The following IL2RA variants were observed in gnomAD, a reference collection of about 807,000 sequenced individuals.
IL2RA encodes interleukin-2 receptor subunit alpha.
Under a neutral mutation model 37.8 loss-of-function variants are expected in IL2RA, and 24 were observed. The ratio of observed to expected loss-of-function variants is 0.63; its 90% CI spans 0.46 to 0.89. The LOEUF (loss-of-function observed/expected upper bound fraction) is 0.89, where lower values mean the gene tolerates loss of function less well. IL2RA is among the 40% of genes least tolerant of loss of function. The probability of loss-of-function intolerance (pLI) is 0.00; values close to 1 mark genes in which losing one functional copy is unlikely to be tolerated. For missense variants in IL2RA, 319 were observed against 348.6 expected (o/e 0.92, Z 0.68); for synonymous variants, 125 against 114.6 (o/e 1.09, Z -0.58).
intron 1 of IL2RA, among the ~76,000 whole-genome samples, chr10:6,037,053 C>G (rs781733952): frequency 6.6e-6 from 1 of 152,102 alleles, no homozygotes; most frequent in Admixed American, 6.5e-5. Context: ...TCTCTCTGCC[C>G]CCTCTCCATC....
At chr10:6,049,181 G>A (rs1362088719) in intron 1 of IL2RA, among the ~76,000 whole-genome samples, 1 of 152,326 alleles carries the variant, frequency 6.6e-6, no homozygotes, top group South Asian at 2.1e-4. Context: ...AGGAGCAGAG[G>A]GGCCCTGCTG....
At chr10:6,024,438 G>T in intron 2 of IL2RA, 84 bp from the exon 3 acceptor site, 1 of 1,021,558 alleles carries the variant, frequency 9.8e-7, no homozygotes, top group Non-Finnish European at 1.5e-6. Context: ...CACTTGAGAA[G>T]CACACCTGTC....
At position 6,026,424 on chromosome 10, in the gene IL2RA, C is replaced by T. The variant is rs142554091; in HGVS notation, c.65-399G>A. Among the ~76,000 whole-genome samples, 299 of 152,282 alleles carry T rather than the reference C, an allele frequency of 2.0e-3. 3 individuals are homozygous for T. The highest frequency in any genetic ancestry group is 6.9e-3 in the African/African-American group (285 of 41,550). On this transcript the variant is annotated intron_variant, in intron 1 of 7. Transcript: ENST00000379959. ...TGTGCAAGATACTTTTAAGGATATA[C>T]GAGTTGTTAGACTTTCTATAATTAA...
intron 1 of IL2RA, among the ~76,000 whole-genome samples, chr10:6,032,597 G>A (rs1839616028): frequency 1.3e-5 from 2 of 152,066 alleles, no homozygotes; most frequent in African/African-American, 4.8e-5. Flanking sequence ...GGAGGCTGAG[G>A]CAGGAGAATG....
chr10:6,043,077 T>C (rs1412123793), intron 1 of IL2RA, among the ~76,000 whole-genome samples: 1 of 152,204 alleles, frequency 6.6e-6, no homozygotes, highest in African/African-American at 2.4e-5. Flanking sequence ...AGAGCATTGC[T>C]TGTAATAGGG....
chr10:6,037,066 C>T (rs1839696559), intron 1 of IL2RA, among the ~76,000 whole-genome samples: 1 of 152,086 alleles, frequency 6.6e-6, no homozygotes, highest in Non-Finnish European at 1.5e-5. Flanking sequence ...TCTCCATCTG[C>T]CCCCTGGGTG....
chr10:6,018,983 C>G lies in IL2RA; in HGVS notation c.727+445G>C, dbSNP rs1391641043. 6.6e-6 allele frequency among the ~76,000 whole-genome samples: 1 copy of G among 152,120 alleles called. No homozygotes were observed. The highest frequency in any genetic ancestry group is 1.5e-5 in the Non-Finnish European group (1 of 68,030). ...ACCAAACTACCAACAAAACTACCAA[C>G]CAACCTGCCAATCTACCACCCTAAC... On this transcript the variant is annotated intron_variant, in intron 6 of 7. Transcript: ENST00000379959. This position sits in a 1 kb window ranked among gnomAD's most constrained non-coding sequence, Gnocchi z 5.1.
At position 6,020,024 on chromosome 10, in the gene IL2RA, G is replaced by C. The variant is rs1006361652; in HGVS notation, c.584-83C>G. The C allele has an allele frequency of 8.3e-7, 1 of 1,199,200 alleles. No individual in the cohort carries two copies. Among genetic ancestry groups the C allele is most frequent in the East Asian group, 2.3e-5 (1 of 42,866 alleles). The allele number at this position is 1,199,200 out of a possible 1,614,324, so 74.3% of individuals were successfully genotyped here. A position where few individuals can be genotyped will look rare whatever the true frequency, so the allele number is the denominator to read the frequency against. On this transcript the variant is annotated intron_variant, in intron 4 of 7. Transcript: ENST00000379959. The surrounding 1 kb of genome is among the most constrained non-coding windows in gnomAD (Gnocchi z 5.6). ...CCCACCCCGCCTGCCCCAGGCAGCCGGCCCCAGACACGCCCGAGGAGGCAG... is the reference window on the plus strand; with the variant it reads ...CCCACCCCGCCTGCCCCAGGCAGCCCGCCCCAGACACGCCCGAGGAGGCAG...
chr10:6,013,505 C>T (rs1232250636), intron 7 of IL2RA, among the ~76,000 whole-genome samples: 1 of 152,154 alleles, frequency 6.6e-6, no homozygotes, highest in African/African-American at 2.4e-5. Context: ...ACAGAGTTCC[C>T]ATAGCACAAG....
rs1839394799 is a variant in IL2RA at position 6,021,912 on chromosome 10, C to T, written c.368-219G>A. On this transcript the variant is annotated intron_variant, in intron 3 of 7. Transcript: ENST00000379959. This position sits in a 1 kb window ranked among gnomAD's most constrained non-coding sequence, Gnocchi z 4.9. ...CCCTGTCACTCCTGCAAGGGGTGGACAGTGGATTGGGTAAGAAAGGCATGT... is the reference window on the plus strand; with the variant it reads ...CCCTGTCACTCCTGCAAGGGGTGGATAGTGGATTGGGTAAGAAAGGCATGT... Among the ~76,000 whole-genome samples, 1 of 152,042 alleles carries T rather than the reference C, an allele frequency of 6.6e-6. No individual in the cohort carries two copies. The highest frequency in any genetic ancestry group is 2.1e-4 in the South Asian group (1 of 4,814).
rs1840048021 is a variant in IL2RA at position 6,056,554 on chromosome 10, C to T, written c.64+5534G>A. Among the ~76,000 whole-genome samples the T allele has an allele frequency of 6.6e-6, 1 of 152,064 alleles. No homozygotes were observed. ...ATGGCTTGAGGCTCGGAGTTCAAGA[C>T]CAGCCTACGCAACATAGCAAAAACC... On this transcript the variant is annotated intron_variant, in intron 1 of 7. Transcript: ENST00000379959. This position sits in a 1 kb window ranked among gnomAD's most constrained non-coding sequence, Gnocchi z 5.0.
chr10:6,030,523 C>A (rs961006016), intron 1 of IL2RA, among the ~76,000 whole-genome samples: 1 of 152,118 alleles, frequency 6.6e-6, no homozygotes, highest in Non-Finnish European at 1.5e-5. Flanking sequence ...ACCCGTCAAC[C>A]TTGAAATCTA....
At chr10:6,027,472 T>C (rs940486722) in intron 1 of IL2RA, among the ~76,000 whole-genome samples, 1 of 152,152 alleles carries the variant, frequency 6.6e-6, no homozygotes, top group African/African-American at 2.4e-5. Flanking sequence ...ATGCTGGTAA[T>C]CTCATGATAA....
At chr10:6,019,175 C>A (rs1839333788) in intron 6 of IL2RA, among the ~76,000 whole-genome samples, 2 of 152,192 alleles carry the variant, frequency 1.3e-5, no homozygotes, top group South Asian at 4.1e-4. Context: ...TGCCAATCTA[C>A]CAACCTACCA....
rs75367004 is a variant in IL2RA at position 6,015,538 on chromosome 10, C to G, written c.794+2515G>C. On this transcript the variant is annotated intron_variant, in intron 7 of 7. Transcript: ENST00000379959. The surrounding 1 kb of genome is among the most constrained non-coding windows in gnomAD (Gnocchi z 4.9). ...TGCGTCAGAAACTCCACAGGTGGGA[C>G]CCAGCAATCTGTGCTTTAACAAGGC... Among the ~76,000 whole-genome samples the G allele has an allele frequency of 3.9e-3, 596 of 152,300 alleles. 4 individuals are homozygous for G. The highest frequency in any genetic ancestry group is 0.014 in the African/African-American group (573 of 41,564).
rs1840061328 is a variant in IL2RA at position 6,057,361 on chromosome 10, G to A, written c.64+4727C>T. Among the ~76,000 whole-genome samples the A allele has an allele frequency of 6.6e-6, 1 of 152,190 alleles. No individual in the cohort carries two copies. Among genetic ancestry groups the A allele is most frequent in the South Asian group, 2.1e-4 (1 of 4,824 alleles). On this transcript the variant is annotated intron_variant, in intron 1 of 7. Coordinates refer to ENST00000379959, the MANE Select transcript of IL2RA (RefSeq NM_000417.3). This position sits in a 1 kb window ranked among gnomAD's most constrained non-coding sequence, Gnocchi z 4.8. The stretch of plus-strand genomic sequence containing the variant: ...ATGAGACATCAGGCTTGGGTGCATT[G>A]ATACACAAAAGTCGCTCAACCCTGA...
Position 6,033,184 on chromosome 10 carries a change from C to G in IL2RA, c.65-7159G>C, listed in dbSNP as rs1310691602. Among the ~76,000 whole-genome samples, 3 of 151,946 alleles carry G rather than the reference C, an allele frequency of 2.0e-5. No homozygotes were observed. The highest frequency in any genetic ancestry group is 1.5e-5 in the Non-Finnish European group (1 of 67,976). On this transcript the variant is annotated intron_variant, in intron 1 of 7. Coordinates refer to ENST00000379959, the MANE Select transcript of IL2RA (RefSeq NM_000417.3). The surrounding 1 kb of genome is among the most constrained non-coding windows in gnomAD (Gnocchi z 4.3). ...TTTAAGTCAGGAGTTTGAGACCAGC[C>G]CGGTCAACATGGCGAAACCCTTTCT...
In IL2RA at chr10:6,028,848, G is replaced by A. The variant is rs540186027; in HGVS notation, c.65-2823C>T. ...TCCCATCTATACTAAAAATACAAAAGATCAGCCGAGTGTGGCAGCGCATGT... is the reference window on the plus strand; with the variant it reads ...TCCCATCTATACTAAAAATACAAAAAATCAGCCGAGTGTGGCAGCGCATGT... On this transcript the variant is annotated intron_variant, in intron 1 of 7. Transcript: ENST00000379959. This position sits in a 1 kb window ranked among gnomAD's most constrained non-coding sequence, Gnocchi z 4.1. Among the ~76,000 whole-genome samples the A allele has an allele frequency of 6.6e-6, 1 of 152,042 alleles. No individual in the cohort carries two copies. Among genetic ancestry groups the A allele is most frequent in the South Asian group, 2.1e-4 (1 of 4,810 alleles).
chr10:6,062,052 C>G, intron 1 of IL2RA, 36 bp downstream of exon 1: 6 of 1,578,526 alleles, frequency 3.8e-6, no homozygotes, highest in Non-Finnish European at 5.2e-6. Flanking sequence ...GCCCATCAGC[C>G]TTCCCGGAAT....
Sources: gnomAD v4.1 joint callset for allele counts (sites outside exome capture counted in the v4.1 genomes callset) on GRCh38, gnomAD v4.1.1 for gene constraint, Gnocchi (gnomAD v3.1) non-coding constraint, MANE v1.5 for transcripts, NCBI Gene and HGNC (gene_info 2026-07-23, HGNC 2026-07-21) for gene names.